The following SRD5A2 variants were observed in gnomAD, a reference collection of about 807,000 sequenced individuals.
SRD5A2 encodes steroid 5 alpha-reductase 2.
A neutral mutation model predicts 27.4 loss-of-function variants in SRD5A2; 30 were observed. That is an observed-to-expected ratio of 1.10 (90% CI 0.82 to 1.49). SRD5A2 has a LOEUF of 1.49. Among genes scored for constraint, SRD5A2 ranks in the 40% most tolerant of loss-of-function variants. The pLI, the probability that SRD5A2 is intolerant of heterozygous loss-of-function variation, is 0.00. For missense variants in SRD5A2, 348 were observed against 323.4 expected (o/e 1.08, Z -0.58); for synonymous variants, 141 against 133.6 (o/e 1.06, Z -0.38).
At chr2:31,595,787 T>C in the SRD5A2 span, among the ~76,000 whole-genome samples, 3 of 152,080 alleles carry the variant, frequency 2.0e-5, no homozygotes, top group East Asian at 1.9e-4. Context: ...CTGGTGAGCA[T>C]AGATGCAAAA....
Position 31,523,999 on chromosome 2 carries a change from C to A in SRD5A2, c.*2197G>T. 1 of 220,028 alleles carries A rather than the reference C, an allele frequency of 4.5e-6. No homozygotes were observed. Among genetic ancestry groups the A allele is most frequent in the Non-Finnish European group, 9.1e-6 (1 of 109,794 alleles). The allele number at this position is 220,028 out of a possible 1,614,324, so 13.6% of individuals were successfully genotyped here. On this transcript the variant is annotated 3_prime_UTR_variant, in exon 5 of 5. Coordinates refer to ENST00000622030, the MANE Select transcript of SRD5A2 (RefSeq NM_000348.4). ...ACTTGAAAGGTCCACGATCAGGCAA[C>A]AGGACTGGGGTTGGACCTAATTAAG... is the stretch of plus-strand genomic sequence containing the variant.
the SRD5A2 span, among the ~76,000 whole-genome samples, chr2:31,657,854 G>T: frequency 6.6e-6 from 1 of 151,994 alleles, no homozygotes. Flanking sequence ...AGTGTGTGGG[G>T]GTGGGAAGGA....
At chr2:31,601,560 A>G in the SRD5A2 span, among the ~76,000 whole-genome samples, 1 of 152,102 alleles carries the variant, frequency 6.6e-6, no homozygotes, top group Non-Finnish European at 1.5e-5. Flanking sequence ...TCCCTAACCC[A>G]TTCTATGAGG....
At chr2:31,603,869 A>C in the SRD5A2 span, among the ~76,000 whole-genome samples, 2 of 151,964 alleles carry the variant, frequency 1.3e-5, no homozygotes, top group African/African-American at 4.8e-5. Context: ...CACTGGAGGA[A>C]ACAACATACA....
chr2:31,562,964 C>A (rs1666656968), intron 1 of SRD5A2: 1 of 152,082 alleles, frequency 6.6e-6, no homozygotes, highest in Non-Finnish European at 1.5e-5. Context: ...AAAAAAAGAA[C>A]AAAAGCACAA....
At chr2:31,634,960 T>G in the SRD5A2 span, among the ~76,000 whole-genome samples, 1 of 152,152 alleles carries the variant, frequency 6.6e-6, no homozygotes, top group Non-Finnish European at 1.5e-5. Context: ...TGAATCTGTA[T>G]TTTGGATATT....
At chr2:31,627,660 T>A in the SRD5A2 span, among the ~76,000 whole-genome samples, 1 of 152,144 alleles carries the variant, frequency 6.6e-6, no homozygotes, top group African/African-American at 2.4e-5. Context: ...GCTTCTGGTA[T>A]GTTTATCCTT....
intron 2 of SRD5A2, among the ~76,000 whole-genome samples, chr2:31,532,719 T>C (rs1051025402): frequency 1.3e-5 from 2 of 151,550 alleles, no homozygotes; most frequent in African/African-American, 4.9e-5. Context: ...TTTGATTTGA[T>C]ATAAAACAAG....
the SRD5A2 span, among the ~76,000 whole-genome samples, chr2:31,590,209 A>G: frequency 6.7e-6 from 1 of 150,186 alleles, no homozygotes; most frequent in Non-Finnish European, 1.5e-5. Context: ...AGCTGAAAAC[A>G]AAAGACATAA....
intron 1 of SRD5A2, among the ~76,000 whole-genome samples, 183 bp from the exon 2 acceptor site, chr2:31,533,949 T>C (rs61300245): frequency 1.2e-4 from 18 of 152,268 alleles, no homozygotes; most frequent in African/African-American, 3.1e-4. Flanking sequence ...ATTACATACC[T>C]GAAAAGTACA....
At chr2:31,544,297 A>G (rs1666199602) in intron 1 of SRD5A2, among the ~76,000 whole-genome samples, 1 of 152,018 alleles carries the variant, frequency 6.6e-6, no homozygotes, top group Admixed American at 6.5e-5. Context: ...GAATATAAGT[A>G]ATGACATAGA....
intron 1 of SRD5A2, among the ~76,000 whole-genome samples, chr2:31,536,002 G>T (rs1666019271): frequency 6.6e-6 from 1 of 152,162 alleles, no homozygotes; most frequent in Admixed American, 6.5e-5. Context: ...GGATTATGAG[G>T]CTGGACTCAT....
the SRD5A2 span, among the ~76,000 whole-genome samples, chr2:31,595,646 T>C: frequency 6.6e-6 from 1 of 152,088 alleles, no homozygotes; most frequent in East Asian, 1.9e-4. Context: ...CTGGTGCCAA[T>C]CTTACTGAAA....
the SRD5A2 span, among the ~76,000 whole-genome samples, chr2:31,636,611 G>C: frequency 5.9e-5 from 9 of 152,154 alleles, no homozygotes; most frequent in African/African-American, 2.2e-4. Flanking sequence ...TTAGCTGTGG[G>C]TTTGTCATAT....
chr2:31,589,310 C>T, the SRD5A2 span, among the ~76,000 whole-genome samples: 5 of 152,210 alleles, frequency 3.3e-5, no homozygotes, highest in African/African-American at 1.2e-4. Context: ...TCCAGTGGAG[C>T]TCATTCCCAG....
the SRD5A2 span, among the ~76,000 whole-genome samples, chr2:31,588,670 T>C: frequency 3.9e-4 from 59 of 152,298 alleles, no homozygotes; most frequent in Non-Finnish European, 6.9e-4. Flanking sequence ...GAGCAGTAAG[T>C]AATCACTTAT....
chr2:31,606,810 A>T, the SRD5A2 span, among the ~76,000 whole-genome samples: 2 of 151,936 alleles, frequency 1.3e-5, no homozygotes, highest in Admixed American at 6.6e-5. Context: ...AGGCTGCTGT[A>T]ACAAACTGTC....
At chr2:31,630,214 G>T in the SRD5A2 span, among the ~76,000 whole-genome samples, 1 of 152,144 alleles carries the variant, frequency 6.6e-6, no homozygotes, top group African/African-American at 2.4e-5. Flanking sequence ...TGATAACCCA[G>T]TACTTTAACA....
chr2:31,634,371 T>C, the SRD5A2 span, among the ~76,000 whole-genome samples: 11 of 152,042 alleles, frequency 7.2e-5, no homozygotes, highest in African/African-American at 2.4e-4. Context: ...AGCTGTGGAA[T>C]AATACCAAAT....
Sources: gnomAD v4.1 joint callset for allele counts (sites outside exome capture counted in the v4.1 genomes callset) on GRCh38, gnomAD v4.1.1 for gene constraint, MANE v1.5 for transcripts, NCBI Gene and HGNC (gene_info 2026-07-23, HGNC 2026-07-21) for gene names.